Variants in ATXN7L1 observed in about 807,000 individuals in gnomAD.
The protein encoded by ATXN7L1 is ataxin 7 like 1, also known as ataxin-7-like protein 1.
A neutral mutation model predicts 70.8 loss-of-function variants in ATXN7L1; 15 were observed. The ratio of observed to expected loss-of-function variants is 0.21; its 90% confidence interval spans 0.14 to 0.33. The LOEUF (loss-of-function observed/expected upper bound fraction) is 0.33, where lower values mean the gene tolerates loss of function less well. Among genes scored for constraint, ATXN7L1 ranks in the 10% least tolerant of loss-of-function variants. ATXN7L1 has a pLI of 1.00. For synonymous variants in ATXN7L1, 440 were observed against 445.1 expected (o/e 0.99, Z 0.14); for missense variants, 975 against 1,097.1 (o/e 0.89, Z 1.57).
intron 2 of ATXN7L1, among the ~76,000 whole-genome samples, chr7:105,871,018 T>C (rs1370291144): frequency 1.3e-5 from 2 of 151,682 alleles, no homozygotes; most frequent in African/African-American, 4.8e-5. Flanking sequence ...CAAGAAGTTA[T>C]AAATTGAGAA....
At chr7:105,806,976 T>C (rs954112284) in intron 2 of ATXN7L1, among the ~76,000 whole-genome samples, 6 of 152,232 alleles carry the variant, frequency 3.9e-5, no homozygotes, top group Admixed American at 2.0e-4. Flanking sequence ...GGCTTTAGTC[T>C]GCAAGAAGCC....
At chr7:105,835,772 G>A (rs1040769600) in intron 2 of ATXN7L1, among the ~76,000 whole-genome samples, 3 of 152,218 alleles carry the variant, frequency 2.0e-5, no homozygotes, top group East Asian at 3.8e-4. Flanking sequence ...TTTCTTAAAG[G>A]ATAGAAAAAC....
At chr7:105,670,171 G>T (rs1680381261) in intron 3 of ATXN7L1, among the ~76,000 whole-genome samples, 1 of 152,180 alleles carries the variant, frequency 6.6e-6, no homozygotes, top group South Asian at 2.1e-4. Flanking sequence ...ATAGAAGAAG[G>T]CAGGGTCTTA....
intron 2 of ATXN7L1, among the ~76,000 whole-genome samples, chr7:105,834,238 C>T (rs1162614437): frequency 1.3e-5 from 2 of 152,112 alleles, no homozygotes; most frequent in African/African-American, 4.8e-5. Flanking sequence ...GACAGAGTTT[C>T]ACCATGTTGC....
chr7:105,700,429 C>G (rs948860378), intron 3 of ATXN7L1, among the ~76,000 whole-genome samples: 1 of 145,296 alleles, frequency 6.9e-6, no homozygotes, highest in African/African-American at 2.6e-5. Context: ...ATTGCTTGAA[C>G]CTGGGAGGCA....
intron 4 of ATXN7L1, among the ~76,000 whole-genome samples, chr7:105,655,450 G>A (rs1305953485): frequency 1.3e-5 from 2 of 152,222 alleles, no homozygotes; most frequent in African/African-American, 4.8e-5. Context: ...GGTGTGTGGG[G>A]TGGACAGGAG....
chr7:105,814,787 G>A (rs1479078467), intron 2 of ATXN7L1, among the ~76,000 whole-genome samples: 1 of 152,170 alleles, frequency 6.6e-6, no homozygotes, highest in East Asian at 1.9e-4. Flanking sequence ...CACTCCTCAT[G>A]GCTAAACATT....
rs537675082 is a variant in ATXN7L1 at position 105,821,206 on chromosome 7, A to AT, written c.251-32499dup. 7.0e-3 allele frequency among the ~76,000 whole-genome samples: 1,070 copies of AT among 152,084 alleles called. 13 individuals are homozygous for AT. Among genetic ancestry groups the AT allele is most frequent in the African/African-American group, 0.024 (1,000 of 41,468 alleles). On this transcript the variant is annotated intron_variant, in intron 2 of 11. Coordinates refer to ENST00000419735, the MANE Select transcript of ATXN7L1 (RefSeq NM_020725.2). Reference sequence around the variant, plus strand: ...AGGCATGTGCCACCACACCTGGCTAATTTTGTATTTTTAGTAGAGATGGGG... The same window carrying AT: ...AGGCATGTGCCACCACACCTGGCTAATTTTTGTATTTTTAGTAGAGATGGGG...
At chr7:105,704,434 TTAAGTTAG>T (rs1376029360) in intron 3 of ATXN7L1, among the ~76,000 whole-genome samples, 2 of 152,188 alleles carry the variant, frequency 1.3e-5, no homozygotes, top group African/African-American at 4.8e-5. Context: ...TTTGCCCTGA[TTAAGTTAG>T]TACTTCAAAA....
chr7:105,640,693 T>A (rs1204985337), intron 5 of ATXN7L1, among the ~76,000 whole-genome samples: 1 of 152,172 alleles, frequency 6.6e-6, no homozygotes, highest in Non-Finnish European at 1.5e-5. Context: ...CCTGCCTGAT[T>A]TTGTTATTTT....
intron 3 of ATXN7L1, among the ~76,000 whole-genome samples, chr7:105,759,449 AGTGTGTGTGTGTGTGTGT>A (rs34887279): frequency 1.7e-5 from 1 of 60,460 alleles, no homozygotes; most frequent in Non-Finnish European, 3.1e-5. Context: ...TTGGATAGTG[AGTGTGTGTGTGTGTGTGT>A]GTGTGTGTGT....
chr7:105,613,345 TG>T, intron 10 of ATXN7L1: 1 of 278,694 alleles, frequency 3.6e-6, no homozygotes, highest in Non-Finnish European at 5.5e-6. Flanking sequence ...CCTAGGAAAG[TG>T]GGAAGGACAA....
At chr7:105,624,032 G>T in intron 8 of ATXN7L1, 43 bp downstream of exon 8, 3 of 1,349,922 alleles carry the variant, frequency 2.2e-6, no homozygotes, top group Non-Finnish European at 2.9e-6. Flanking sequence ...TGTCTGCAAA[G>T]CACAGGCGAA....
chr7:105,630,452 A>C (rs1464266823), intron 7 of ATXN7L1, among the ~76,000 whole-genome samples: 1 of 152,220 alleles, frequency 6.6e-6, no homozygotes, highest in East Asian at 1.9e-4. Flanking sequence ...AGGACATGAG[A>C]AATTTTTTAA....
chr7:105,669,193 T>C (rs1206447066), intron 3 of ATXN7L1, among the ~76,000 whole-genome samples: 1 of 152,152 alleles, frequency 6.6e-6, no homozygotes, highest in African/African-American at 2.4e-5. Flanking sequence ...GCAATTCTCC[T>C]GCCTCAGCCT....
At chr7:105,841,182 G>A (rs1421516709) in intron 2 of ATXN7L1, among the ~76,000 whole-genome samples, 2 of 152,128 alleles carry the variant, frequency 1.3e-5, no homozygotes, top group African/African-American at 2.4e-5. Flanking sequence ...ATGGGAGGTC[G>A]GGGGGTCAGG....
At chr7:105,618,762 C>T (rs1030131431) in intron 9 of ATXN7L1, among the ~76,000 whole-genome samples, 1 of 152,146 alleles carries the variant, frequency 6.6e-6, no homozygotes, top group Non-Finnish European at 1.5e-5. Context: ...TGAGAGCTCA[C>T]CTTTGTAGGA....
chr7:105,854,907 T>G (rs886109396), intron 2 of ATXN7L1, among the ~76,000 whole-genome samples: 4 of 152,180 alleles, frequency 2.6e-5, no homozygotes, highest in Non-Finnish European at 4.4e-5. Context: ...ACATTTCACT[T>G]ATTATCTATG....
chr7:105,721,345 A>C (rs907195772), intron 3 of ATXN7L1, among the ~76,000 whole-genome samples: 3 of 152,204 alleles, frequency 2.0e-5, no homozygotes, highest in African/African-American at 7.2e-5. Context: ...GACTCAAAAA[A>C]TAAAGGGTTG....
Sources: allele counts gnomAD v4.1 joint callset (sites outside exome capture counted in the v4.1 genomes callset), GRCh38; gene constraint gnomAD v4.1.1; transcripts MANE v1.5; gene names NCBI Gene and HGNC (gene_info 2026-07-23, HGNC 2026-07-21).